The following CYP7B1 variants were observed in gnomAD, a reference collection of about 807,000 sequenced individuals.
The protein encoded by CYP7B1 is cytochrome P450 7B1.
A neutral mutation model predicts 42.7 loss-of-function variants in CYP7B1; 29 were observed. That is an observed-to-expected ratio of 0.68 (90% CI 0.51 to 0.93). The LOEUF (loss-of-function observed/expected upper bound fraction) is 0.93. CYP7B1 is among the 40% of genes least tolerant of loss of function. The probability of loss-of-function intolerance (pLI) is 0.00; values close to 1 mark genes in which losing one functional copy is unlikely to be tolerated. For synonymous variants in CYP7B1, 235 were observed against 218.2 expected (o/e 1.08, Z -0.68); for missense variants, 655 against 600.5 (o/e 1.09, Z -0.95).
chr8:64,668,271 T>C (rs1806312335), intron 1 of CYP7B1, among the ~76,000 whole-genome samples: 1 of 152,178 alleles, frequency 6.6e-6, no homozygotes, highest in African/African-American at 2.4e-5. Context: ...GGACGCTCCC[T>C]GTATATCTTA....
chr8:64,683,545 T>C (rs945679477), intron 1 of CYP7B1, among the ~76,000 whole-genome samples: 19 of 152,170 alleles, frequency 1.2e-4, no homozygotes, highest in Admixed American at 6.5e-4. Context: ...ATACTATAGT[T>C]AGTAATAACT....
intron 1 of CYP7B1, among the ~76,000 whole-genome samples, chr8:64,701,525 A>G (rs2129632456): frequency 6.6e-6 from 1 of 152,176 alleles, no homozygotes; most frequent in East Asian, 1.9e-4. Context: ...GTGTGATATT[A>G]CCATGTGCTG....
intron 1 of CYP7B1, among the ~76,000 whole-genome samples, chr8:64,789,411 T>C (rs191807095): frequency 2.6e-5 from 4 of 152,326 alleles, no homozygotes; most frequent in Non-Finnish European, 2.9e-5. Flanking sequence ...CTCATCCATA[T>C]CTAGGATCTT....
chr8:64,732,892 T>TC (rs1379984069), intron 1 of CYP7B1: 1 of 152,696 alleles, frequency 6.5e-6, no homozygotes, highest in Non-Finnish European at 1.5e-5. Flanking sequence ...TGTGTTTGCT[T>TC]CCCCTTCCAC....
intron 1 of CYP7B1, among the ~76,000 whole-genome samples, chr8:64,766,550 C>A (rs1420799659): frequency 6.6e-6 from 1 of 151,658 alleles, no homozygotes; most frequent in Admixed American, 6.6e-5. Flanking sequence ...TTAGTCATGG[C>A]CTTCAGGCAA....
chr8:64,736,403 C>T (rs943335260), intron 1 of CYP7B1, among the ~76,000 whole-genome samples: 1 of 152,144 alleles, frequency 6.6e-6, no homozygotes, highest in East Asian at 1.9e-4. Flanking sequence ...CAAGAAAATA[C>T]AAACAAATAT....
intron 1 of CYP7B1, among the ~76,000 whole-genome samples, chr8:64,711,547 C>A (rs1188519175): frequency 6.6e-6 from 1 of 152,158 alleles, no homozygotes; most frequent in African/African-American, 2.4e-5. Context: ...TCAAGGTTTA[C>A]AGAAAAGAAT....
chr8:64,643,190 TATACAC>T (rs1001730328), intron 1 of CYP7B1, among the ~76,000 whole-genome samples: 13 of 83,652 alleles, frequency 1.6e-4, no homozygotes, highest in African/African-American at 4.9e-4. Context: ...TACATATATA[TATACAC>T]ACACACACAC....
At chr8:64,666,478 G>A (rs1806281474) in intron 1 of CYP7B1, among the ~76,000 whole-genome samples, 1 of 152,202 alleles carries the variant, frequency 6.6e-6, no homozygotes, top group Non-Finnish European at 1.5e-5. Context: ...AGAGTTTAGA[G>A]AGAATTGCTC....
chr8:64,786,736 T>G (rs1804533975), intron 1 of CYP7B1, among the ~76,000 whole-genome samples: 2 of 152,234 alleles, frequency 1.3e-5, no homozygotes, highest in African/African-American at 2.4e-5. Context: ...AGTGACTCTG[T>G]GTGGGGAATC....
In CYP7B1 at chr8:64,594,995, G is replaced by A. The variant is rs117710960; in HGVS notation, c.*1647C>T. ...AGAACATCAAAGACAAAGAGGACACGTTAAAGTAGTCAGAGAGAAGAGACA... is the reference window on the plus strand; with the variant it reads ...AGAACATCAAAGACAAAGAGGACACATTAAAGTAGTCAGAGAGAAGAGACA... On this transcript the variant is annotated 3_prime_UTR_variant, in exon 6 of 6. Transcript: ENST00000310193. 2.8e-4 allele frequency among the ~76,000 whole-genome samples: 42 copies of A among 152,314 alleles called. No individual in the cohort carries two copies. In the East Asian group the frequency reaches 6.8e-3, roughly 24 times the overall value.
intron 1 of CYP7B1, among the ~76,000 whole-genome samples, chr8:64,729,793 G>A (rs188043688): frequency 6.6e-6 from 1 of 152,272 alleles, no homozygotes; most frequent in African/African-American, 2.4e-5. Context: ...TGCTCTGAAT[G>A]TTATGAAATA....
Position 64,798,484 on chromosome 8 carries a change from A to C in CYP7B1, c.104T>G (p.Leu35Trp), listed in dbSNP as rs2129747643. 6.6e-7 allele frequency: 1 copy of C among 1,513,460 alleles called. No homozygotes were observed. Among genetic ancestry groups the C allele is most frequent in the Admixed American group, 2.1e-5 (1 of 48,250 alleles). The allele number at this position is 1,513,460 out of a possible 1,614,324, so 93.8% of individuals were successfully genotyped here. ...CGCTTACCTGGTGCGCCGGACAAGCAAGCAGAGGGCCAGGAGCAGCAGGGC... is the reference window on the plus strand; with the variant it reads ...CGCTTACCTGGTGCGCCGGACAAGCCAGCAGAGGGCCAGGAGCAGCAGGGC... ...AAALLLLALC[L>W]LVRRTRRPGE... Residue 35 changes from leucine (L) to tryptophan (W), a missense_variant, in exon 1 of 6, where the codon TTG (leucine) becomes TGG (tryptophan). Physicochemically the swap from Leu to Trp is moderately conservative, Grantham distance 61. Transcript: ENST00000310193.
rs1485815204 is a variant in CYP7B1, at chr8:64,798,525, G to A, written c.63C>T (p.Gly21=). The A allele has an allele frequency of 2.7e-6, 4 of 1,501,918 alleles. No homozygotes were observed. The highest frequency in any genetic ancestry group is 2.9e-5 in the African/African-American group (2 of 68,908). The allele number at this position is 1,501,918 out of a possible 1,614,324, so 93.0% of individuals were successfully genotyped here. ...GCAGCAGGGCCGCGGCGAGGGCCAG[G>A]CCCGGGAGGCCCAACCGCTCCAGCG... ...RFSLERLGLP[G]LALAAALLLL... is the part of the protein sequence containing the mutation. The change falls in exon 1 of 6, where the codon GGC becomes GGT. Residue 21 remains glycine (G), a synonymous_variant. Transcript: ENST00000310193.
chr8:64,781,884 C>A (rs1203364498), intron 1 of CYP7B1, among the ~76,000 whole-genome samples: 1 of 152,142 alleles, frequency 6.6e-6, no homozygotes, highest in Non-Finnish European at 1.5e-5. Context: ...AGTAGCACAG[C>A]ACCTTAATCT....
At chr8:64,652,507 C>A (rs954949486) in intron 1 of CYP7B1, among the ~76,000 whole-genome samples, 1 of 152,118 alleles carries the variant, frequency 6.6e-6, no homozygotes. Context: ...AAATAGAAGT[C>A]AAGACTAAGA....
chr8:64,607,400 A>T (rs79277531), intron 4 of CYP7B1, among the ~76,000 whole-genome samples: 8 of 14,376 alleles, frequency 5.6e-4, no homozygotes, highest in Non-Finnish European at 1.0e-3. Context: ...TCTAGAATTA[A>T]AAAAAAAAAA....
chr8:64,709,251 A>G (rs1807045133), intron 1 of CYP7B1, among the ~76,000 whole-genome samples: 3 of 152,202 alleles, frequency 2.0e-5, no homozygotes, highest in Admixed American at 2.0e-4. Flanking sequence ...GCAAATGCCA[A>G]GCTTCATTTT....
At chr8:64,793,361 T>A (rs1044716643) in intron 1 of CYP7B1, among the ~76,000 whole-genome samples, 5 of 152,214 alleles carry the variant, frequency 3.3e-5, no homozygotes, top group Non-Finnish European at 7.3e-5. Flanking sequence ...TTATTTTAAT[T>A]GTTTCAGAAA....
Sources: gnomAD v4.1 joint callset for allele counts (sites outside exome capture counted in the v4.1 genomes callset) on GRCh38, gnomAD v4.1.1 for gene constraint, MANE v1.5 for transcripts, NCBI Gene and HGNC (gene_info 2026-07-23, HGNC 2026-07-21) for gene names.